The following BCAS3 variants were observed in gnomAD, a reference collection of about 807,000 sequenced individuals.
BCAS3 encodes the protein BCAS3 microtubule associated cell migration factor.
BCAS3 carries 53 observed loss-of-function variants against 116.1 expected under a neutral mutation model. The ratio of observed to expected loss-of-function variants is 0.46; its 90% confidence interval spans 0.37 to 0.57. BCAS3 has a LOEUF of 0.57. Among genes scored for constraint, BCAS3 ranks in the 20% least tolerant of loss-of-function variants. The pLI is 0.00. For missense variants in BCAS3, 917 were observed against 1,165.4 expected, an observed-to-expected ratio of 0.79 and a Z score of 3.10; for synonymous variants, 391 against 408.2, an observed-to-expected ratio of 0.96 and a Z score of 0.51.
In BCAS3 at chr17:61,253,839, C is replaced by T. The variant is rs117800717; in HGVS notation, c.2426-114488C>T. ...AGATGATTAAGTATACATTACAGTTCGGCCTCCACGGTTTACATGGGGGAA... is the reference window on the plus strand; with the variant it reads ...AGATGATTAAGTATACATTACAGTTTGGCCTCCACGGTTTACATGGGGGAA... On this transcript the variant is annotated intron_variant, in intron 22 of 23. Transcript: ENST00000407086. Among the ~76,000 whole-genome samples the T allele has an allele frequency of 5.8e-3, 881 of 152,080 alleles. 6 individuals carry two copies. Among genetic ancestry groups the T allele is most frequent in the Non-Finnish European group, 0.01 (692 of 67,984 alleles).
At position 61,086,851 on chromosome 17, in the gene BCAS3, A is replaced by G. The variant is rs2073132544; in HGVS notation, c.2425+2287A>G. The G allele has an allele frequency of 1.1e-5, 11 of 985,198 alleles. No individual in the cohort carries two copies. In the Admixed American group the frequency reaches 2.5e-4, roughly 22 times the overall value. 61.0% of individuals were successfully genotyped at this position (985,198 alleles called of 1,614,324 possible). A position where few individuals can be genotyped will look rare whatever the true frequency, so the allele number is the denominator to read the frequency against. ...TAATTCTCTCTTCAGCTACCTCTCA[A>G]TTGGTTCAGATCCCTTTTGAATGAG... is the stretch of plus-strand genomic sequence containing the variant. On this transcript the variant is annotated intron_variant, in intron 22 of 23. Coordinates refer to ENST00000407086, the MANE Select transcript of BCAS3 (RefSeq NM_017679.5).
intron 22 of BCAS3, among the ~76,000 whole-genome samples, chr17:61,292,218 T>C (rs548464495): frequency 6.6e-6 from 1 of 152,280 alleles, no homozygotes; most frequent in Admixed American, 6.5e-5. Flanking sequence ...ATGTTTTCTT[T>C]AGATGAGTTC....
intron 10 of BCAS3, among the ~76,000 whole-genome samples, chr17:60,893,341 G>T (rs1251855301): frequency 6.6e-6 from 1 of 151,884 alleles, no homozygotes; most frequent in African/African-American, 2.4e-5. Context: ...TTTTTCCCTA[G>T]GTTTTCTTCT....
In BCAS3 at chr17:61,362,888, T is replaced by C. The variant is rs1290709599; in HGVS notation, c.2426-5439T>C. 6.6e-6 allele frequency: 1 copy of C among 152,226 alleles called. No homozygotes were observed. Among genetic ancestry groups the C allele is most frequent in the Non-Finnish European group, 1.5e-5 (1 of 68,036 alleles). 9.4% of individuals were successfully genotyped at this position (152,226 alleles called of 1,614,324 possible). On this transcript the variant is annotated intron_variant, in intron 22 of 23. Coordinates refer to ENST00000407086, the MANE Select transcript of BCAS3 (RefSeq NM_017679.5). The surrounding 1 kb of genome is among the most constrained non-coding windows in gnomAD (Gnocchi z 4.4). ...TTATCTTCTTCTTCCTTCCTCTCTTTTAATTTTAACTCCACTTTCTGCCTA... is the reference window on the plus strand; with the variant it reads ...TTATCTTCTTCTTCCTTCCTCTCTTCTAATTTTAACTCCACTTTCTGCCTA...
At chr17:61,060,160 T>C (rs1284711350) in intron 19 of BCAS3, among the ~76,000 whole-genome samples, 1 of 152,086 alleles carries the variant, frequency 6.6e-6, no homozygotes, top group Non-Finnish European at 1.5e-5. Context: ...AGAGTCTTGC[T>C]CTGTCGCCCA....
At chr17:60,699,337 C>T (rs2036075872) in intron 4 of BCAS3, among the ~76,000 whole-genome samples, 1 of 152,120 alleles carries the variant, frequency 6.6e-6, no homozygotes, top group African/African-American at 2.4e-5. Flanking sequence ...GCCTCAGCCT[C>T]TCCAGTAGCT....
In BCAS3 at chr17:61,243,057, G is replaced by A. The variant is rs554775250; in HGVS notation, c.2426-125270G>A. On this transcript the variant is annotated intron_variant, in intron 22 of 23. Coordinates refer to ENST00000407086, the MANE Select transcript of BCAS3 (RefSeq NM_017679.5). The surrounding 1 kb of genome is among the most constrained non-coding windows in gnomAD (Gnocchi z 5.6). ...CTCCCAAGTAGCTGGGACTACAGGCGCGCACCACCACACCCATCTAATTTT... is the reference window on the plus strand; with the variant it reads ...CTCCCAAGTAGCTGGGACTACAGGCACGCACCACCACACCCATCTAATTTT... 2.5e-4 allele frequency among the ~76,000 whole-genome samples: 38 copies of A among 151,984 alleles called. No homozygotes were observed. Among genetic ancestry groups the A allele is most frequent in the African/African-American group, 5.5e-4 (23 of 41,470 alleles).
At chr17:60,952,963 G>A (rs2060925628) in intron 14 of BCAS3, among the ~76,000 whole-genome samples, 1 of 151,512 alleles carries the variant, frequency 6.6e-6, no homozygotes, top group South Asian at 2.1e-4. Context: ...TTTTATGACT[G>A]CATAATATTC....
intron 19 of BCAS3, among the ~76,000 whole-genome samples, chr17:61,059,231 C>T (rs866854286): frequency 4.0e-5 from 6 of 151,500 alleles, no homozygotes; most frequent in South Asian, 2.1e-4. Flanking sequence ...TACAGGCGCC[C>T]GCCATCACGC....
chr17:61,171,797 A>AT lies in BCAS3; in HGVS notation c.2425+87233_2425+87234insT, dbSNP rs1200176131. Among the ~76,000 whole-genome samples, 5 of 151,068 alleles carry AT rather than the reference A, an allele frequency of 3.3e-5. No individual in the cohort carries two copies. Among genetic ancestry groups the AT allele is most frequent in the African/African-American group, 9.8e-5 (4 of 40,648 alleles). The stretch of plus-strand genomic sequence containing the variant: ...CACCATGCCCTGCTAATTAAAAAAA[A>AT]ATTTTTTTTTTTTTTTGTAGAAATG... On this transcript the variant is annotated intron_variant, in intron 22 of 23. Coordinates refer to ENST00000407086, the MANE Select transcript of BCAS3 (RefSeq NM_017679.5). The surrounding 1 kb of genome is among the most constrained non-coding windows in gnomAD (Gnocchi z 4.1).
chr17:61,207,990 GA>G (rs891329018), intron 22 of BCAS3, among the ~76,000 whole-genome samples: 3 of 152,090 alleles, frequency 2.0e-5, no homozygotes, highest in Non-Finnish European at 4.4e-5. Flanking sequence ...AATTAGAGGG[GA>G]AAATTACTAT....
chr17:60,771,329 G>A (rs947563082), intron 6 of BCAS3, among the ~76,000 whole-genome samples: 1 of 151,916 alleles, frequency 6.6e-6, no homozygotes, highest in Non-Finnish European at 1.5e-5. Context: ...GAAATGCAAT[G>A]GAAATTGCCG....
chr17:61,214,500 T>C lies in BCAS3; in HGVS notation c.2425+129936T>C, dbSNP rs1462166881. On this transcript the variant is annotated intron_variant, in intron 22 of 23. Transcript: ENST00000407086. The surrounding 1 kb of genome is among the most constrained non-coding windows in gnomAD (Gnocchi z 4.4). ...GAGATGGAGATCATCCTGGCTAACATGGTGAAACCCCGTCTCTACTAAAAA... is the reference window on the plus strand; with the variant it reads ...GAGATGGAGATCATCCTGGCTAACACGGTGAAACCCCGTCTCTACTAAAAA... Among the ~76,000 whole-genome samples the C allele has an allele frequency of 4.7e-5, 7 of 150,454 alleles. No homozygotes were observed. The South Asian group carries it at 1.5e-3, about 32-fold the overall frequency.
chr17:60,972,483 CT>C (rs1253628833), intron 14 of BCAS3, among the ~76,000 whole-genome samples: 1 of 131,292 alleles, frequency 7.6e-6, no homozygotes, highest in Non-Finnish European at 1.5e-5. Flanking sequence ...GGGTCTTGCT[CT>C]GTCACGTAGG....
At chr17:60,924,381 C>T in intron 12 of BCAS3, 26 bp from the exon 13 acceptor site, 2 of 1,602,772 alleles carry the variant, frequency 1.2e-6, no homozygotes, top group Non-Finnish European at 1.7e-6. Context: ...ATATTTACCT[C>T]CATTTGTCTT....
intron 4 of BCAS3, among the ~76,000 whole-genome samples, chr17:60,692,005 A>G (rs939225540): frequency 6.6e-6 from 1 of 151,562 alleles, no homozygotes; most frequent in Non-Finnish European, 1.5e-5. Flanking sequence ...AGCCGAGAAC[A>G]TGCCATTGCA....
At chr17:60,764,471 A>G (rs554423829) in intron 6 of BCAS3, among the ~76,000 whole-genome samples, 40 of 152,256 alleles carry the variant, frequency 2.6e-4, no homozygotes, top group Non-Finnish European at 4.9e-4. Context: ...GTCATTCAGG[A>G]GCAGGTTGTT....
At chr17:61,250,176 A>T (rs777722839) in intron 22 of BCAS3, among the ~76,000 whole-genome samples, 1 of 152,200 alleles carries the variant, frequency 6.6e-6, no homozygotes, top group Non-Finnish European at 1.5e-5. Context: ...TGATTTGACA[A>T]ACATAAGACC....
intron 16 of BCAS3, among the ~76,000 whole-genome samples, chr17:61,027,937 T>C (rs1343006313): frequency 2.0e-5 from 3 of 151,922 alleles, no homozygotes; most frequent in African/African-American, 7.2e-5. Flanking sequence ...AATTAGATTA[T>C]GTTTTTCACT....
Sources: allele counts gnomAD v4.1 joint callset (sites outside exome capture counted in the v4.1 genomes callset), GRCh38; gene constraint gnomAD v4.1.1; non-coding constraint Gnocchi (gnomAD v3.1); transcripts MANE v1.5; gene names NCBI Gene and HGNC (gene_info 2026-07-23, HGNC 2026-07-21).